The following PREX1 variants were observed in gnomAD, a reference collection of about 807,000 sequenced individuals.
PREX1 encodes phosphatidylinositol 3,4,5-trisphosphate-dependent Rac exchanger 1 protein.
A neutral mutation model predicts 198.3 loss-of-function variants in PREX1; 41 were observed. The ratio of observed to expected loss-of-function variants is 0.21; its 90% CI spans 0.16 to 0.27. The LOEUF (loss-of-function observed/expected upper bound fraction) is 0.27, where lower values mean the gene tolerates loss of function less well. Among genes scored for constraint, PREX1 ranks in the 10% least tolerant of loss-of-function variants. PREX1 has a pLI of 1.00. For missense variants in PREX1, 1,620 were observed against 2,200.7 expected (o/e 0.74, Z 5.28); for synonymous variants, 843 against 887.2 (o/e 0.95, Z 0.89).
intron 1 of PREX1, among the ~76,000 whole-genome samples, chr20:48,771,154 G>A (rs2090233705): frequency 6.6e-6 from 1 of 151,918 alleles, no homozygotes; most frequent in African/African-American, 2.4e-5. Context: ...AGGCATGGCT[G>A]TCATCACCGG....
chr20:48,840,018 T>G, the PREX1 span, among the ~76,000 whole-genome samples: 2 of 152,172 alleles, frequency 1.3e-5, no homozygotes, highest in Non-Finnish European at 2.9e-5. Flanking sequence ...TATTTTTGTT[T>G]GTTTGTTTGT....
intron 1 of PREX1, among the ~76,000 whole-genome samples, chr20:48,807,433 T>C (rs1385235175): frequency 6.6e-6 from 1 of 152,156 alleles, no homozygotes; most frequent in African/African-American, 2.4e-5. Flanking sequence ...CCAACAGCTG[T>C]CCGTTACCCC....
chr20:48,763,199 A>G lies in PREX1; in HGVS notation c.220-15319T>C, dbSNP rs117125333. Among the ~76,000 whole-genome samples, 365 of 152,336 alleles carry G rather than the reference A, an allele frequency of 2.4e-3. 4 individuals carry two copies. In the East Asian group the frequency reaches 0.046, roughly 19 times the overall value. ...ACCTGCATCACGGGGGCATGGGGAGAATTTGATGGGTTAGGATAAAATGCA... is the reference window on the plus strand; with the variant it reads ...ACCTGCATCACGGGGGCATGGGGAGGATTTGATGGGTTAGGATAAAATGCA... On this transcript the variant is annotated intron_variant, in intron 1 of 39. Transcript: ENST00000371941.
intron 1 of PREX1, among the ~76,000 whole-genome samples, chr20:48,795,474 G>C (rs2090357836): frequency 6.6e-6 from 1 of 150,534 alleles, no homozygotes; most frequent in Non-Finnish European, 1.5e-5. Context: ...TGTCACAACT[G>C]AGGAGGAGGG....
chr20:48,653,412 A>C lies in PREX1; in HGVS notation c.2295T>G (p.Pro765=). The change falls in exon 20 of 40, where the codon CCT becomes CCG. Residue 765 remains proline (P), a synonymous_variant. Coordinates refer to ENST00000371941, the MANE Select transcript of PREX1 (RefSeq NM_020820.4). ...ATGCCTGGAAGTGCTCCAGGACCTC[A>C]GGGGCACCATCGTTCATCACGTTGC... ...NGSNVMNDGA[P]EVLEHFQAFR... is the part of the protein sequence containing the mutation. 1 of 1,613,996 alleles carries C rather than the reference A, an allele frequency of 6.2e-7. No individual in the cohort carries two copies. Among genetic ancestry groups the C allele is most frequent in the South Asian group, 1.1e-5 (1 of 91,082 alleles).
At position 48,639,893 on chromosome 20, in the gene PREX1, C is replaced by T; in HGVS notation, c.3777G>A (p.Glu1259=). The T allele has an allele frequency of 6.2e-7, 1 of 1,613,906 alleles. No homozygotes were observed. Among genetic ancestry groups the T allele is most frequent in the Non-Finnish European group, 8.5e-7 (1 of 1,179,910 alleles). The change falls in exon 30 of 40, where the codon GAG becomes GAA. Residue 1259 remains glutamate (E), a splice_region_variant and synonymous_variant. Coordinates refer to ENST00000371941, the MANE Select transcript of PREX1 (RefSeq NM_020820.4). ...KHFPMNHSLQ[E]FKQKEECTIR... is the part of the protein sequence containing the mutation. ...TTGTACACTCTTCTTTCTGTTTAAA[C>T]TCTGGGGCAGGAAAGTGGCATGAGG...
intron 4 of PREX1, among the ~76,000 whole-genome samples, chr20:48,734,092 T>C (rs570445092): frequency 2.0e-5 from 3 of 152,324 alleles, no homozygotes; most frequent in Non-Finnish European, 1.5e-5. Flanking sequence ...CATTTATAAT[T>C]AAATAATCCT....
At chr20:48,834,945 T>C in the PREX1 span, among the ~76,000 whole-genome samples, 1 of 151,916 alleles carries the variant, frequency 6.6e-6, no homozygotes, top group South Asian at 2.1e-4. Context: ...TTAGTAGAGA[T>C]GGGGTTTCAC....
intron 1 of PREX1, among the ~76,000 whole-genome samples, chr20:48,794,552 T>C (rs2090351956): frequency 2.0e-5 from 3 of 151,882 alleles, no homozygotes; most frequent in South Asian, 4.2e-4. Context: ...CATCAGTGGG[T>C]GGTGGGGGTG....
chr20:48,834,202 T>C, the PREX1 span, among the ~76,000 whole-genome samples: 1 of 151,974 alleles, frequency 6.6e-6, no homozygotes, highest in Non-Finnish European at 1.5e-5. Context: ...GGAGTAAAAG[T>C]TGAGAAAAGG....
rs139473329 is a variant in PREX1 at position 48,791,919 on chromosome 20, G to A, written c.219+35723C>T. The stretch of plus-strand genomic sequence containing the variant: ...AGAAGTCAAGAGATCTGGCAATACC[G>A]GGCTCGAGTTCCCGCACGGGGACTG... On this transcript the variant is annotated intron_variant, in intron 1 of 39. Transcript: ENST00000371941. 6.0e-3 allele frequency among the ~76,000 whole-genome samples: 920 copies of A among 152,308 alleles called. 6 individuals are homozygous for A. The highest frequency in any genetic ancestry group is 0.02 in the African/African-American group (847 of 41,564).
intron 1 of PREX1, among the ~76,000 whole-genome samples, chr20:48,823,942 G>C (rs2090498331): frequency 6.6e-6 from 1 of 152,146 alleles, no homozygotes; most frequent in Non-Finnish European, 1.5e-5. Flanking sequence ...GATAAAAACA[G>C]CATCCCCTTC....
chr20:48,738,263 CT>C (rs1269607201), intron 3 of PREX1, among the ~76,000 whole-genome samples: 1 of 152,192 alleles, frequency 6.6e-6, no homozygotes, highest in African/African-American at 2.4e-5. Flanking sequence ...TTAGGAATGT[CT>C]GCCACAGGTG....
chr20:48,765,455 C>G (rs925847682), intron 1 of PREX1, among the ~76,000 whole-genome samples: 3 of 152,234 alleles, frequency 2.0e-5, no homozygotes, highest in Non-Finnish European at 4.4e-5. Context: ...GGATACTAAG[C>G]TGTCAGAACT....
chr20:48,725,102 A>G (rs2090003831), intron 5 of PREX1, among the ~76,000 whole-genome samples: 1 of 152,210 alleles, frequency 6.6e-6, no homozygotes, highest in African/African-American at 2.4e-5. Context: ...CAGAGGCTCC[A>G]GCATCACCCA....
At chr20:48,757,625 A>C (rs1370150811) in intron 1 of PREX1, among the ~76,000 whole-genome samples, 1 of 152,200 alleles carries the variant, frequency 6.6e-6, no homozygotes, top group Non-Finnish European at 1.5e-5. Flanking sequence ...GCTTGTAAAT[A>C]ACTTGTTGCC....
chr20:48,692,455 T>C lies in PREX1; in HGVS notation c.1036+217A>G, dbSNP rs536207572. Reference sequence around the variant, plus strand: ...GGTTACTTCTAGGGGGAAGAAGGCATTGCAAGGAGGAAGGATTTGGGGTGC... The same window carrying C: ...GGTTACTTCTAGGGGGAAGAAGGCACTGCAAGGAGGAAGGATTTGGGGTGC... On this transcript the variant is annotated intron_variant, in intron 8 of 39. Transcript: ENST00000371941. The C allele has an allele frequency of 3.8e-4, 174 of 458,704 alleles. No individual in the cohort carries two copies. The South Asian group carries it at 6.1e-3, about 16-fold the overall frequency. 28.4% of individuals were successfully genotyped at this position (458,704 alleles called of 1,614,324 possible). A position where few individuals can be genotyped will look rare whatever the true frequency, so the allele number is the denominator to read the frequency against.
the PREX1 span, among the ~76,000 whole-genome samples, chr20:48,844,166 C>T: frequency 6.6e-6 from 1 of 152,026 alleles, no homozygotes; most frequent in African/African-American, 2.4e-5. Flanking sequence ...GCTGTGTCTC[C>T]ATCCTTATCA....
At chr20:48,686,429 T>C (rs556249551) in intron 10 of PREX1, among the ~76,000 whole-genome samples, 1 of 152,292 alleles carries the variant, frequency 6.6e-6, no homozygotes, top group South Asian at 2.1e-4. Context: ...CTTGGCCCCA[T>C]TTCAAATGGG....
Sources: gnomAD v4.1 joint callset for allele counts (sites outside exome capture counted in the v4.1 genomes callset) on GRCh38, gnomAD v4.1.1 for gene constraint, MANE v1.5 for transcripts, NCBI Gene and HGNC (gene_info 2026-07-23, HGNC 2026-07-21) for gene names.